The following CNTLN variants were observed in gnomAD, a reference collection of about 807,000 sequenced individuals.
CNTLN encodes centlein.
Under a neutral mutation model 180.0 loss-of-function variants are expected in CNTLN, and 212 were observed. The ratio of observed to expected loss-of-function variants is 1.18; its 90% CI spans 1.05 to 1.32. The LOEUF (loss-of-function observed/expected upper bound fraction) is 1.32, where lower values mean the gene tolerates loss of function less well. Ranked by LOEUF, CNTLN falls within the 40% of genes most tolerant of loss-of-function variation. CNTLN has a pLI of 0.00. For synonymous variants in CNTLN, 722 were observed against 563.1 expected (o/e 1.28, Z -3.99); for missense variants, 2,095 against 1,610.9 (o/e 1.30, Z -5.14).
intron 6 of CNTLN, among the ~76,000 whole-genome samples, chr9:17,290,275 G>A (rs1039871932): frequency 1.1e-4 from 17 of 152,060 alleles, no homozygotes; most frequent in Admixed American, 6.5e-4. Flanking sequence ...GCCATGTGAG[G>A]TGTCAGTCTG....
At chr9:17,247,060 C>G (rs931374791) in intron 5 of CNTLN, among the ~76,000 whole-genome samples, 8 of 152,140 alleles carry the variant, frequency 5.3e-5, no homozygotes, top group East Asian at 3.9e-4. Flanking sequence ...AGGTACGAGT[C>G]TCTCCTGGAG....
the CNTLN span, among the ~76,000 whole-genome samples, chr9:17,513,896 G>C: frequency 1.3e-5 from 2 of 152,154 alleles, no homozygotes; most frequent in Admixed American, 1.3e-4. Flanking sequence ...TGCAACATTA[G>C]TAATTAGAAA....
intron 12 of CNTLN, among the ~76,000 whole-genome samples, chr9:17,347,341 C>T (rs551601022): frequency 9.2e-5 from 14 of 152,178 alleles, no homozygotes; most frequent in South Asian, 6.2e-4. Context: ...GGGTTATGTC[C>T]GGATAAATCC....
At chr9:17,174,828 T>C (rs1473670153) in intron 2 of CNTLN, among the ~76,000 whole-genome samples, 1 of 152,214 alleles carries the variant, frequency 6.6e-6, no homozygotes, top group African/African-American at 2.4e-5. Context: ...GGTGTCACTA[T>C]GTTTTCTTTT....
chr9:17,241,100 C>T (rs1382896040), intron 5 of CNTLN, among the ~76,000 whole-genome samples: 1 of 152,066 alleles, frequency 6.6e-6, no homozygotes, highest in African/African-American at 2.4e-5. Flanking sequence ...CCTGGTGATC[C>T]GCCCACCTTG....
At chr9:17,279,833 CT>C (rs1320777783) in intron 6 of CNTLN, among the ~76,000 whole-genome samples, 1 of 152,216 alleles carries the variant, frequency 6.6e-6, no homozygotes, top group South Asian at 2.1e-4. Context: ...GGACATTGGG[CT>C]CTGCCTTCAT....
At chr9:17,264,359 T>A (rs966571316) in intron 5 of CNTLN, among the ~76,000 whole-genome samples, 4 of 151,730 alleles carry the variant, frequency 2.6e-5, no homozygotes, top group Non-Finnish European at 4.4e-5. Flanking sequence ...GTTGTAGATA[T>A]GCAGCGTTAT....
intron 12 of CNTLN, among the ~76,000 whole-genome samples, chr9:17,359,483 A>T (rs913487397): frequency 2.6e-5 from 4 of 152,100 alleles, no homozygotes; most frequent in Middle Eastern, 6.8e-3. Context: ...TGTCCAGGAA[A>T]GTAGTAGTAC....
In CNTLN at chr9:17,135,572, G is replaced by A. The variant is rs980967882; in HGVS notation, c.360+147G>A. 6.5e-5 allele frequency: 74 copies of A among 1,135,178 alleles called. No individual in the cohort carries two copies. In the South Asian group the frequency reaches 8.4e-4, roughly 13 times the overall value. 70.3% of individuals were successfully genotyped at this position (1,135,178 alleles called of 1,614,324 possible). A position where few individuals can be genotyped will look rare whatever the true frequency, so the allele number is the denominator to read the frequency against. ...CACACCCTGCTTCGCTCGCGGCCGG[G>A]GGCTGGAGGGACGCGGCTGCGCCCG... On this transcript the variant is annotated intron_variant, in intron 1 of 25. Transcript: ENST00000380647.
chr9:17,169,304 T>C (rs1400147884), intron 2 of CNTLN, among the ~76,000 whole-genome samples: 1 of 152,170 alleles, frequency 6.6e-6, no homozygotes, highest in African/African-American at 2.4e-5. Flanking sequence ...GGCCTTAGAA[T>C]CTTGAGTAAT....
intron 18 of CNTLN, among the ~76,000 whole-genome samples, chr9:17,425,616 G>T (rs1355195756): frequency 2.6e-5 from 4 of 152,200 alleles, no homozygotes; most frequent in East Asian, 3.8e-4. Flanking sequence ...GTAATAGCTA[G>T]AAGATTTTTG....
chr9:17,217,065 T>C (rs1273694458), intron 2 of CNTLN, among the ~76,000 whole-genome samples: 4 of 152,228 alleles, frequency 2.6e-5, no homozygotes, highest in African/African-American at 4.8e-5. Flanking sequence ...TGAGAGTACT[T>C]GCAATAAACA....
intron 18 of CNTLN, among the ~76,000 whole-genome samples, chr9:17,451,550 C>CT (rs1830777193): frequency 6.6e-6 from 1 of 152,112 alleles, no homozygotes; most frequent in African/African-American, 2.4e-5. Context: ...AGAAAGAAAA[C>CT]TCGGAGAGTA....
intron 2 of CNTLN, among the ~76,000 whole-genome samples, chr9:17,211,466 T>C (rs1216673200): frequency 2.0e-5 from 3 of 149,030 alleles, no homozygotes; most frequent in Non-Finnish European, 4.4e-5. Context: ...AGCTTTGTAG[T>C]ATAGTTTGAA....
At chr9:17,385,343 C>A (rs1825603975) in intron 13 of CNTLN, among the ~76,000 whole-genome samples, 1 of 152,240 alleles carries the variant, frequency 6.6e-6, no homozygotes, top group African/African-American at 2.4e-5. Context: ...ATTTCCTCTC[C>A]CCTCTGCAGA....
chr9:17,344,128 A>T (rs551958016), intron 12 of CNTLN, among the ~76,000 whole-genome samples: 1 of 145,894 alleles, frequency 6.9e-6, no homozygotes, highest in South Asian at 2.2e-4. Flanking sequence ...AGGAAGGATT[A>T]CCTATAAATG....
intron 5 of CNTLN, among the ~76,000 whole-genome samples, chr9:17,259,954 G>T (rs1185806137): frequency 7.3e-6 from 1 of 137,106 alleles, no homozygotes; most frequent in African/African-American, 3.1e-5. Flanking sequence ...TTTTTGAAGG[G>T]TTTTTTGTGT....
intron 5 of CNTLN, among the ~76,000 whole-genome samples, chr9:17,244,496 G>A (rs10962933): frequency 0.21 from 31,305 of 152,052 alleles, 4,105 homozygotes; most frequent in African/African-American, 0.36. Flanking sequence ...GGGGTTATAG[G>A]TATGCACCAC....
chr9:17,302,411 C>G (rs1818434637), intron 7 of CNTLN, among the ~76,000 whole-genome samples: 1 of 152,092 alleles, frequency 6.6e-6, no homozygotes, highest in Non-Finnish European at 1.5e-5. Flanking sequence ...GTTGACTAGG[C>G]TGGTCTCGAA....
Sources: allele counts gnomAD v4.1 joint callset (sites outside exome capture counted in the v4.1 genomes callset), GRCh38; gene constraint gnomAD v4.1.1; transcripts MANE v1.5; gene names NCBI Gene and HGNC (gene_info 2026-07-23, HGNC 2026-07-21).